Variants in C15orf39 observed in about 807,000 individuals in gnomAD.
C15orf39 encodes PRMT2 interacting protein, also known as uncharacterized protein C15orf39.
C15orf39 carries 24 observed loss-of-function variants against 53.9 expected under a neutral mutation model. The ratio of observed to expected loss-of-function variants is 0.45; its 90% CI spans 0.32 to 0.63. C15orf39 has a LOEUF of 0.63. Among genes scored for constraint, C15orf39 ranks in the 20% least tolerant of loss-of-function variants. C15orf39 has a pLI of 0.04. For synonymous variants in C15orf39, 569 were observed against 576.5 expected, an observed-to-expected ratio of 0.99 and a Z score of 0.19; for missense variants, 1,271 against 1,347.9, an observed-to-expected ratio of 0.94 and a Z score of 0.89.
Position 75,207,517 on chromosome 15 carries a change from AGGG to A in C15orf39, c.1470_1472del (p.Glu490_Gly491delinsAsp). 6.2e-7 allele frequency: 1 copy of A among 1,610,344 alleles called. No individual in the cohort carries two copies. The highest frequency in any genetic ancestry group is 8.5e-7 in the Non-Finnish European group (1 of 1,178,734). ...GAGTGCCAGTCTCTTCCACAGAAGG[AGGG>A]CGCAAGGCCACCCAGCTCTCCACCA... On this transcript the variant is annotated inframe_deletion, in exon 2 of 3. Transcript: ENST00000394987.
At chr15:75,200,637 C>T (rs1053347646), upstream of C15orf39, among the ~76,000 whole-genome samples, 9 of 152,160 alleles carry the variant, frequency 5.9e-5, no homozygotes, top group Non-Finnish European at 2.9e-5. Flanking sequence ...ATGTATTTTC[C>T]TGACGCTAAG....
chr15:75,206,163 G>T lies in C15orf39; in HGVS notation c.115G>T (p.Asp39Tyr). 1 of 1,614,048 alleles carries T rather than the reference G, an allele frequency of 6.2e-7. No individual in the cohort carries two copies. The change falls in exon 2 of 3, where the codon GAT (aspartate) becomes TAT (tyrosine). Residue 39 changes from aspartate (D) to tyrosine (Y), a missense_variant. Physicochemically the swap from Asp to Tyr is radical, Grantham distance 160. Coordinates refer to ENST00000394987, the MANE Select transcript of C15orf39 (RefSeq NM_015492.5). ...HSLPHSVGNQ[D>Y]PCTYKGSYFS... ...CCTGCCCCACTCTGTTGGTAACCAGGATCCCTGCACCTACAAGGGGTCCTA... is the reference window on the plus strand; with the variant it reads ...CCTGCCCCACTCTGTTGGTAACCAGTATCCCTGCACCTACAAGGGGTCCTA...
Position 75,207,276 on chromosome 15 carries a change from C to T in C15orf39, c.1228C>T (p.Pro410Ser). The change falls in exon 2 of 3, where the codon CCT becomes TCT. Residue 410 changes from proline to serine, a missense_variant. By Grantham distance (74) the Pro-to-Ser change is moderately conservative. This residue lies in a region of C15orf39 where 994 missense variants were observed against 993.7 expected (regional missense o/e 1.00). Coordinates refer to ENST00000394987, the MANE Select transcript of C15orf39 (RefSeq NM_015492.5). ...GAACAATGTGCGGGCTGTGCCACAG[C>T]CTGGTGCCTTCCAGAGGGCATGCCA... ...SQNNVRAVPQ[P>S]GAFQRACQPL... The T allele has an allele frequency of 6.2e-7, 1 of 1,613,552 alleles. No homozygotes were observed. Among genetic ancestry groups the T allele is most frequent in the Admixed American group, 1.7e-5 (1 of 60,014 alleles).
Position 75,206,073 on chromosome 15 carries a change from A to T in C15orf39, c.25A>T (p.Thr9Ser). The T allele has an allele frequency of 1.9e-6, 3 of 1,609,960 alleles. No individual in the cohort carries two copies. The highest frequency in any genetic ancestry group is 2.5e-6 in the Non-Finnish European group (3 of 1,178,196). MAEKRPLR[T>S]LGPVMYGKLP... ...GATGGCAGAGAAGCGACCCCTGAGA[A>T]CCCTGGGGCCTGTGATGTATGGCAA... The change falls in exon 2 of 3, where the codon ACC becomes TCC. Residue 9 changes from threonine (T) to serine (S), a missense_variant. Transcript: ENST00000394987.
Position 75,210,842 on chromosome 15 carries a change from C to A in C15orf39, c.2870C>A (p.Pro957Gln). 12 of 1,613,786 alleles carry A rather than the reference C, an allele frequency of 7.4e-6. No homozygotes were observed. Among genetic ancestry groups the A allele is most frequent in the Non-Finnish European group, 1.0e-5 (12 of 1,179,964 alleles). ...PESLALAQKS[P>Q]APKVRKPGRK... The stretch of plus-strand genomic sequence containing the variant: ...AGCCTAGCCCTGGCTCAGAAGTCAC[C>A]GGCCCCCAAGGTCAGGAAGCCAGGC... The change falls in exon 3 of 3, where the codon CCG becomes CAG. Residue 957 changes from proline (P) to glutamine (Q), a missense_variant. Pro to Gln is a moderately conservative substitution (Grantham distance 76, BLOSUM62 -1). Around this residue, in one of 2 missense-constraint regions of C15orf39, gnomAD observed 277 missense variants for 354.1 expected, o/e 0.78. Coordinates refer to ENST00000394987, the MANE Select transcript of C15orf39 (RefSeq NM_015492.5).
chr15:75,209,317 A>C (rs1428663862), intron 2 of C15orf39: 1 of 156,554 alleles, frequency 6.4e-6, no homozygotes, highest in South Asian at 1.9e-4. Flanking sequence ...CCTTCCCCTC[A>C]GCTCACTTCC....
At chr15:75,200,620 C>T (rs2070394948), upstream of C15orf39, among the ~76,000 whole-genome samples, 1 of 152,096 alleles carries the variant, frequency 6.6e-6, no homozygotes, top group Non-Finnish European at 1.5e-5. Context: ...TAGCTGTCCG[C>T]GCGCAGATGT....
chr15:75,206,682 C>T lies in C15orf39; in HGVS notation c.634C>T (p.Pro212Ser), dbSNP rs1259644604. ...DSSGSFSPCQ[P>S]FLEKYQTIHS... ...CTCAGGGAGCTTCTCCCCATGCCAGCCCTTCCTGGAGAAATATCAGACCAT... is the reference window on the plus strand; with the variant it reads ...CTCAGGGAGCTTCTCCCCATGCCAGTCCTTCCTGGAGAAATATCAGACCAT... Residue 212 changes from proline to serine, a missense_variant, in exon 2 of 3, where the codon CCC becomes TCC. This residue lies in a region of C15orf39 where 994 missense variants were observed against 993.7 expected (regional missense o/e 1.00). Transcript: ENST00000394987. The T allele has an allele frequency of 2.5e-6, 4 of 1,613,762 alleles. No homozygotes were observed. Among genetic ancestry groups the T allele is most frequent in the Non-Finnish European group, 3.4e-6 (4 of 1,179,980 alleles).
chr15:75,210,461 A>G (rs945403412), intron 2 of C15orf39, among the ~76,000 whole-genome samples: 2 of 152,090 alleles, frequency 1.3e-5, no homozygotes, highest in African/African-American at 4.8e-5. Context: ...AGCAATGGGT[A>G]TTGGACCAGG....
upstream of C15orf39, among the ~76,000 whole-genome samples, chr15:75,201,001 CCTGAACTGACT>C (rs2070397283): frequency 6.6e-6 from 1 of 152,062 alleles, no homozygotes; most frequent in South Asian, 2.1e-4. This position sits in a 1 kb window ranked among gnomAD's most constrained non-coding sequence, Gnocchi z 4.7. Context: ...AGTTTTGCTT[CCTGAACTGACT>C]CTGACCTTTG....
chr15:75,207,707 T>G lies in C15orf39; in HGVS notation c.1659T>G (p.Pro553=), dbSNP rs750668652. The change falls in exon 2 of 3, where the codon CCT becomes CCG. Residue 553 remains proline (P), a synonymous_variant. Coordinates refer to ENST00000394987, the MANE Select transcript of C15orf39 (RefSeq NM_015492.5). ...ACAAAGGCTGCAGGGGGACCCTGCC[T>G]GCCCAGGAGGGCCCCTCAGGGAGTA... ...GQDKGCRGTL[P]AQEGPSGSKP... The G allele has an allele frequency of 6.2e-7, 1 of 1,602,670 alleles. No individual in the cohort carries two copies. The highest frequency in any genetic ancestry group is 1.7e-5 in the Admixed American group (1 of 59,214).
rs1395107098 is a variant in C15orf39, at chr15:75,201,923, T to A, written c.-187T>A. The A allele has an allele frequency of 3.3e-5, 5 of 152,040 alleles. No individual in the cohort carries two copies. In the East Asian group the frequency reaches 7.7e-4, roughly 24 times the overall value. The allele number at this position is 152,040 out of a possible 1,614,324, so 9.4% of individuals were successfully genotyped here. A position where few individuals can be genotyped will look rare whatever the true frequency, so the allele number is the denominator to read the frequency against. ...CGGCGCGAACGGCAGCTAGGAGGGT[T>A]GCTCCGGGCTTGGTGCTCACTGCGA... On this transcript the variant is annotated 5_prime_UTR_variant, in exon 1 of 3. Coordinates refer to ENST00000394987, the MANE Select transcript of C15orf39 (RefSeq NM_015492.5). The surrounding 1 kb of genome is among the most constrained non-coding windows in gnomAD (Gnocchi z 4.7).
Position 75,210,598 on chromosome 15 carries a change from G to A in C15orf39, c.2777-151G>A, listed in dbSNP as rs561954973. ...GGGAGAAGCACATCTTTTTTGCTTG[G>A]ATGGTCTGGCCAGTGGGCATGTGTG... On this transcript the variant is annotated intron_variant, in intron 2 of 2. Coordinates refer to ENST00000394987, the MANE Select transcript of C15orf39 (RefSeq NM_015492.5). 4.0e-5 allele frequency: 46 copies of A among 1,160,024 alleles called. No homozygotes were observed. In the African/African-American group the frequency reaches 6.4e-4, roughly 16 times the overall value. 71.9% of individuals were successfully genotyped at this position (1,160,024 alleles called of 1,614,324 possible).
In C15orf39 at chr15:75,208,197, G is replaced by A; in HGVS notation, c.2149G>A (p.Ala717Thr). 6.2e-7 allele frequency: 1 copy of A among 1,613,812 alleles called. No individual in the cohort carries two copies. The highest frequency in any genetic ancestry group is 8.5e-7 in the Non-Finnish European group (1 of 1,180,014). ...ALPSPPAVAV[A>T]SPAPAPAPSP... ...GCCCAGCCCTCCAGCCGTAGCTGTGGCCTCCCCTGCCCCTGCTCCAGCTCC... is the reference window on the plus strand; with the variant it reads ...GCCCAGCCCTCCAGCCGTAGCTGTGACCTCCCCTGCCCCTGCTCCAGCTCC... The change falls in exon 2 of 3, where the codon GCC becomes ACC. Residue 717 changes from alanine (A) to threonine (T), a missense_variant. Ala to Thr is a moderately conservative substitution (Grantham distance 58). This residue lies in a region of C15orf39 where 994 missense variants were observed against 993.7 expected (regional missense o/e 1.00). Transcript: ENST00000394987.
chr15:75,210,983 C>T lies in C15orf39; in HGVS notation c.3011C>T (p.Ala1004Val), dbSNP rs752416632. ...AGCCCACCTGGCCCCACACTGAAGG[C>T]CCGCTTCCGCAGTCTGCTGGAGACC... ...SASPPGPTLKARFRSLLETAW... is the reference protein window; with the variant it reads ...SASPPGPTLKVRFRSLLETAW... The change falls in exon 3 of 3, where the codon GCC (alanine) becomes GTC (valine). Residue 1004 changes from alanine (A) to valine (V), a missense_variant. By Grantham distance (64) the Ala-to-Val change is moderately conservative. This residue lies in a region of C15orf39 where 277 missense variants were observed against 354.1 expected (regional missense o/e 0.78). Coordinates refer to ENST00000394987, the MANE Select transcript of C15orf39 (RefSeq NM_015492.5). 1 of 1,613,146 alleles carries T rather than the reference C, an allele frequency of 6.2e-7. No individual in the cohort carries two copies. Among genetic ancestry groups the T allele is most frequent in the Admixed American group, 1.7e-5 (1 of 60,030 alleles).
At chr15:75,201,541 T>C (rs570705107), upstream of C15orf39, among the ~76,000 whole-genome samples, 1 of 152,234 alleles carries the variant, frequency 6.6e-6, no homozygotes, top group African/African-American at 2.4e-5. This position sits in a 1 kb window ranked among gnomAD's most constrained non-coding sequence, Gnocchi z 4.7. Flanking sequence ...GCCACCGCTA[T>C]GAGGAAGACA....
At chr15:75,199,827 CT>C (rs2070390512), upstream of C15orf39, among the ~76,000 whole-genome samples, 1 of 152,188 alleles carries the variant, frequency 6.6e-6, no homozygotes, top group Non-Finnish European at 1.5e-5. Context: ...AGACTGTTCC[CT>C]TCTCTGCTTT....
Position 75,206,510 on chromosome 15 carries a change from A to C in C15orf39, c.462A>C (p.Pro154=). Residue 154 remains proline (P), a synonymous_variant, in exon 2 of 3, where the codon CCA becomes CCC. Transcript: ENST00000394987. ...TGGGGGAAGGAGCAGTGAAGAGGCC[A>C]CTGGATGTTGACTGGACTCTGGCGA... ...TCLGEGAVKR[P]LDVDWTLATG... is the part of the protein sequence containing the mutation. 2 of 1,614,008 alleles carry C rather than the reference A, an allele frequency of 1.2e-6. No homozygotes were observed. Among genetic ancestry groups the C allele is most frequent in the Non-Finnish European group, 1.7e-6 (2 of 1,179,968 alleles).
Position 75,206,767 on chromosome 15 carries a change from A to C in C15orf39, c.719A>C (p.Gln240Pro). The C allele has an allele frequency of 1.2e-6, 2 of 1,612,644 alleles. No individual in the cohort carries two copies. Among genetic ancestry groups the C allele is most frequent in the Non-Finnish European group, 1.7e-6 (2 of 1,179,408 alleles). The change falls in exon 2 of 3, where the codon CAA becomes CCA. Residue 240 changes from glutamine to proline, a missense_variant. Gln to Pro is a moderately conservative substitution (Grantham distance 76). Around this residue, in one of 2 missense-constraint regions of C15orf39, gnomAD observed 994 missense variants for 993.7 expected, o/e 1.00. Coordinates refer to ENST00000394987, the MANE Select transcript of C15orf39 (RefSeq NM_015492.5). ...GGTCCTTACCCTAGGAACTCCAAGC[A>C]AGCAATGTCTGAGGGGCCCTCAAGT... ...YTGPYPRNSKQAMSEGPSSPW... is the reference protein window; with the variant it reads ...YTGPYPRNSKPAMSEGPSSPW...
Sources: gnomAD v4.1 joint callset for allele counts (sites outside exome capture counted in the v4.1 genomes callset) on GRCh38, gnomAD v4.1.1 for gene constraint, gnomAD v4.1.1 regional missense constraint, Gnocchi (gnomAD v3.1) non-coding constraint, MANE v1.5 for transcripts, NCBI Gene and HGNC (gene_info 2026-07-23, HGNC 2026-07-21) for gene names.